The following DNAH17 variants were observed in gnomAD, a reference collection of about 807,000 sequenced individuals.
DNAH17 encodes axonemal beta dynein heavy chain 17.
A neutral mutation model predicts 485.6 loss-of-function variants in DNAH17; 376 were observed. That is an observed-to-expected ratio of 0.77 (90% CI 0.71 to 0.84). The LOEUF (loss-of-function observed/expected upper bound fraction) is 0.84, where lower values mean the gene tolerates loss of function less well. DNAH17 is among the 40% of genes least tolerant of loss of function. The probability of loss-of-function intolerance (pLI) is 0.00; values close to 1 mark genes in which losing one functional copy is unlikely to be tolerated. For missense variants in DNAH17, 6,370 were observed against 5,839.3 expected (o/e 1.09, Z -2.96); for synonymous variants, 3,031 against 2,405.9 (o/e 1.26, Z -7.60).
chr17:78,572,901 G>A lies in DNAH17; in HGVS notation c.346-7C>T. ...TTAACAGAGAAGAGAGGACCTAAAA[G>A]GAAACACTTCTGTGGTTCCGCCCCC... is the stretch of plus-strand genomic sequence containing the variant. On this transcript the variant is annotated splice_polypyrimidine_tract_variant and splice_region_variant and intron_variant, in intron 2 of 80. Transcript: ENST00000389840. 6.2e-7 allele frequency: 1 copy of A among 1,612,620 alleles called. No individual in the cohort carries two copies. The highest frequency in any genetic ancestry group is 8.5e-7 in the Non-Finnish European group (1 of 1,179,350).
At chr17:78,484,576 C>T (rs1377901388) in intron 48 of DNAH17, among the ~76,000 whole-genome samples, 2 of 25,300 alleles carry the variant, frequency 7.9e-5, no homozygotes, top group African/African-American at 2.1e-4. Flanking sequence ...AAGGAGGATC[C>T]CCCCCTCCGC....
chr17:78,425,287 G>A, intron 80 of DNAH17, 59 bp downstream of exon 80: 1 of 1,528,866 alleles, frequency 6.5e-7, no homozygotes, highest in Non-Finnish European at 9.0e-7. Context: ...GTTTTATCTT[G>A]TCTTGGCAAG....
At position 78,454,938 on chromosome 17, in the gene DNAH17, C is replaced by T. The variant is rs377518868; in HGVS notation, c.10171-233G>A. On this transcript the variant is annotated intron_variant, in intron 63 of 80. Coordinates refer to ENST00000389840, the MANE Select transcript of DNAH17 (RefSeq NM_173628.4). ...CGTTTTTTTTTTCCCCTGACAGAGT[C>T]TCACTCTGTCACCCAGGCTGGAGTG... Among the ~76,000 whole-genome samples, 23 of 152,068 alleles carry T rather than the reference C, an allele frequency of 1.5e-4. 2 individuals are homozygous for T. The East Asian group carries it at 2.3e-3, about 15-fold the overall frequency.
intron 48 of DNAH17, 70 bp downstream of exon 48, chr17:78,484,798 G>A: frequency 2.4e-6 from 3 of 1,244,748 alleles, no homozygotes; most frequent in Non-Finnish European, 2.1e-6. Flanking sequence ...GCCTCTTCCT[G>A]CGCCCCGCCC....
At chr17:78,478,405 C>G (rs1260327217) in intron 51 of DNAH17, among the ~76,000 whole-genome samples, 1 of 151,708 alleles carries the variant, frequency 6.6e-6, no homozygotes, top group Non-Finnish European at 1.5e-5. Context: ...GCACCACCAT[C>G]ACTACCACTA....
Position 78,526,916 on chromosome 17 carries a change from C to A in DNAH17, c.3588G>T (p.Glu1196Asp). ...GGCATTTCCGCCGCAGGATGCTGACCTCGTTGGCCTGGAGTGGTGCCACGG... is the reference window on the plus strand; with the variant it reads ...GGCATTTCCGCCGCAGGATGCTGACATCGTTGGCCTGGAGTGGTGCCACGG... Reference protein sequence around the residue: ...KLTVAPLQANEVSILRRKCQQ... With the variant: ...KLTVAPLQANDVSILRRKCQQ... The change falls in exon 23 of 81, where the codon GAG becomes GAT. Residue 1196 changes from glutamate (E) to aspartate (D), a missense_variant. Coordinates refer to ENST00000389840, the MANE Select transcript of DNAH17 (RefSeq NM_173628.4). The A allele has an allele frequency of 6.3e-7, 1 of 1,583,924 alleles. No individual in the cohort carries two copies. The highest frequency in any genetic ancestry group is 8.6e-7 in the Non-Finnish European group (1 of 1,164,722).
intron 42 of DNAH17, 50 bp downstream of exon 42, chr17:78,492,583 C>T (rs771510807): frequency 2.2e-5 from 35 of 1,604,932 alleles, no homozygotes; most frequent in Admixed American, 6.7e-5. Context: ...ACGCTCACTG[C>T]ACTGGACCAG....
Position 78,474,370 on chromosome 17 carries a change from A to G in DNAH17, c.8511+908T>C, listed in dbSNP as rs1324871742. Among the ~76,000 whole-genome samples, 6 of 152,376 alleles carry G rather than the reference A, an allele frequency of 3.9e-5. No homozygotes were observed. The East Asian group carries it at 1.2e-3, about 29-fold the overall frequency. On this transcript the variant is annotated intron_variant, in intron 54 of 80. Coordinates refer to ENST00000389840, the MANE Select transcript of DNAH17 (RefSeq NM_173628.4). Reference sequence around the variant, plus strand: ...GATTCCTTCTGAACTAATGGCACGCAGTTGCCTGGGAGAGCAGATTTTCAG... The same window carrying G: ...GATTCCTTCTGAACTAATGGCACGCGGTTGCCTGGGAGAGCAGATTTTCAG...
Position 78,423,770 on chromosome 17 carries a change from G to C in DNAH17, c.*136C>G, listed in dbSNP as rs2086199599. ...TCCACCCTCTGGTTCCGATGTGCTT[G>C]GTTACAAAGCACCTGATTATTTAAG... On this transcript the variant is annotated 3_prime_UTR_variant, in exon 81 of 81. Transcript: ENST00000389840. 1.7e-6 allele frequency: 2 copies of C among 1,170,762 alleles called. No homozygotes were observed. Among genetic ancestry groups the C allele is most frequent in the African/African-American group, 1.5e-5 (1 of 65,348 alleles). The allele number at this position is 1,170,762 out of a possible 1,614,324, so 72.5% of individuals were successfully genotyped here.
Position 78,570,856 on chromosome 17 carries a change from C to CAAAAAAAAAAAAA in DNAH17, c.918+79_918+91dup, listed in dbSNP as rs60897530. The CAAAAAAAAAAAAA allele has an allele frequency of 3.5e-4, 103 of 291,974 alleles. 3 individuals carry two copies. The African/African-American group carries it at 3.6e-3, about 10-fold the overall frequency. The allele number at this position is 291,974 out of a possible 1,614,324, so 18.1% of individuals were successfully genotyped here. On this transcript the variant is annotated intron_variant, in intron 6 of 80. Transcript: ENST00000389840. ...CTGGTGACAGAGCGAGACTCCCTCT[C>CAAAAAAAAAAAAA]AAAAAAAAAAAAAAAAAAAAAAGAA...
chr17:78,492,790 G>C, intron 41 of DNAH17, 25 bp from the exon 42 acceptor site: 1 of 1,603,514 alleles, frequency 6.2e-7, no homozygotes, highest in Non-Finnish European at 8.5e-7. Context: ...GGTCACTCAC[G>C]TGTGACTCCA....
chr17:78,507,377 G>C lies in DNAH17; in HGVS notation c.4585-8C>G, dbSNP rs748183811. ...TGCATCTTCCATCAAGGCCTGGGAA[G>C]AGAAGGGGATCGCCAAGGCATTAGG... On this transcript the variant is annotated splice_region_variant and splice_polypyrimidine_tract_variant and intron_variant, in intron 28 of 80. Transcript: ENST00000389840. 2.1e-5 allele frequency: 34 copies of C among 1,614,054 alleles called. No individual in the cohort carries two copies. In the Admixed American group the frequency reaches 5.7e-4, roughly 27 times the overall value.
At chr17:78,529,846 G>C (rs942238054) in intron 21 of DNAH17, among the ~76,000 whole-genome samples, 152 bp from the exon 22 acceptor site, 1 of 152,074 alleles carries the variant, frequency 6.6e-6, no homozygotes, top group African/African-American at 2.4e-5. Context: ...TGCCCACCTT[G>C]GATCCCTCCA....
Position 78,463,797 on chromosome 17 carries a change from G to A in DNAH17, c.8941-720C>T, listed in dbSNP as rs1434844093. 5.3e-5 allele frequency among the ~76,000 whole-genome samples: 8 copies of A among 152,326 alleles called. No homozygotes were observed. In the South Asian group the frequency reaches 6.2e-4, roughly 12 times the overall value. ...CACTGGGAGCTTTGCCCCAGAAATTGTCTCAGCAATGTTAATTTTAATTCA... is the reference window on the plus strand; with the variant it reads ...CACTGGGAGCTTTGCCCCAGAAATTATCTCAGCAATGTTAATTTTAATTCA... On this transcript the variant is annotated intron_variant, in intron 56 of 80. Transcript: ENST00000389840.
intron 80 of DNAH17, 38 bp from the exon 81 acceptor site, chr17:78,424,191 CA>C: frequency 6.3e-7 from 1 of 1,576,738 alleles, no homozygotes; most frequent in Non-Finnish European, 8.6e-7. Flanking sequence ...GGTGTGCTGC[CA>C]GTAAGTGAGG....
chr17:78,507,926 AACGT>A lies in DNAH17; in HGVS notation c.4237-125_4237-122del, dbSNP rs1266817909. ...ATCAGAAAGCAAAAAGGCTCAAACC[AACGT>A]ATTCACAGGAGCCAAAGGCAGATCC... On this transcript the variant is annotated intron_variant, in intron 27 of 80. Transcript: ENST00000389840. 4.3e-5 allele frequency: 40 copies of A among 939,888 alleles called. 1 individual carries two copies. Among genetic ancestry groups the A allele is most frequent in the Non-Finnish European group, 2.8e-5 (18 of 647,102 alleles). 58.2% of individuals were successfully genotyped at this position (939,888 alleles called of 1,614,324 possible). A position where few individuals can be genotyped will look rare whatever the true frequency, so the allele number is the denominator to read the frequency against.
intron 51 of DNAH17, among the ~76,000 whole-genome samples, chr17:78,478,696 C>G (rs1286490676): frequency 7.1e-6 from 1 of 140,120 alleles, no homozygotes; most frequent in Non-Finnish European, 1.5e-5. Context: ...CAATTATTAC[C>G]ATCATTACCA....
At chr17:78,518,071 AAG>A (rs1282965738) in intron 25 of DNAH17, among the ~76,000 whole-genome samples, 5 of 152,354 alleles carry the variant, frequency 3.3e-5, no homozygotes, top group South Asian at 4.1e-4. Context: ...GTTAAAATAA[AAG>A]AGAGTCAGAG....
At chr17:78,567,413 G>T (rs1256596941) in intron 9 of DNAH17, among the ~76,000 whole-genome samples, 1 of 152,130 alleles carries the variant, frequency 6.6e-6, no homozygotes, top group African/African-American at 2.4e-5. Context: ...GAATGAGGAG[G>T]AGCTGGAGAG....
Sources: gnomAD v4.1 joint callset for allele counts (sites outside exome capture counted in the v4.1 genomes callset) on GRCh38, gnomAD v4.1.1 for gene constraint, MANE v1.5 for transcripts, NCBI Gene and HGNC (gene_info 2026-07-23, HGNC 2026-07-21) for gene names.